Variants in SNPH observed in about 807,000 individuals in gnomAD.
The protein encoded by SNPH is syntaphilin.
Under a neutral mutation model 36.8 loss-of-function variants are expected in SNPH, and 10 were observed. That is an observed-to-expected ratio of 0.27 (90% CI 0.17 to 0.46). SNPH has a LOEUF of 0.46. Among genes scored for constraint, SNPH ranks in the 20% least tolerant of loss-of-function variants. The pLI is 1.00. For missense variants in SNPH, 622 were observed against 744.0 expected, an observed-to-expected ratio of 0.84 and a Z score of 1.91; for synonymous variants, 281 against 312.2, an observed-to-expected ratio of 0.90 and a Z score of 1.05.
At chr20:1,297,020 T>G in intron 4 of SNPH, 125 bp from the exon 5 acceptor site, 1 of 1,439,868 alleles carries the variant, frequency 6.9e-7, no homozygotes, top group East Asian at 2.6e-5. Context: ...CTCTCCCTGC[T>G]TCTCTCCCCT....
Position 1,266,596 on chromosome 20 carries a change from G to C in SNPH, c.-599-58G>C. The C allele has an allele frequency of 7.1e-7, 1 of 1,416,940 alleles. No homozygotes were observed. The highest frequency in any genetic ancestry group is 9.2e-7 in the Non-Finnish European group (1 of 1,092,166). 87.8% of individuals were successfully genotyped at this position (1,416,940 alleles called of 1,614,324 possible). A position where few individuals can be genotyped will look rare whatever the true frequency, so the allele number is the denominator to read the frequency against. On this transcript the variant is annotated intron_variant, in intron 1 of 6. Coordinates refer to ENST00000381867, the MANE Select transcript of SNPH (RefSeq NM_001318234.2). The surrounding 1 kb of genome is among the most constrained non-coding windows in gnomAD (Gnocchi z 6.0). ...TCAGCGGCCGGGGGCTCAGCTGCCT[G>C]GGTGTTCCCCGCCCGCGCTCACCCG...
At position 1,308,644 on chromosome 20, in the gene SNPH, A is replaced by C. The variant is rs1255514517; in HGVS notation, c.*2590A>C. The C allele has an allele frequency of 6.6e-6, 1 of 152,420 alleles. No individual in the cohort carries two copies. The highest frequency in any genetic ancestry group is 1.5e-5 in the Non-Finnish European group (1 of 68,224). The allele number at this position is 152,420 out of a possible 1,614,324, so 9.4% of individuals were successfully genotyped here. ...ATGGGGCGGGGCCTCCCCCTGAGAG[A>C]GCTCACCCTCCACAGTGACCCTTTT... On this transcript the variant is annotated 3_prime_UTR_variant, in exon 7 of 7. Transcript: ENST00000381867.
In SNPH at chr20:1,285,419, T is replaced by A. The variant is rs1451764126; in HGVS notation, c.-492-9532T>A. 6.6e-6 allele frequency among the ~76,000 whole-genome samples: 1 copy of A among 152,160 alleles called. No homozygotes were observed. Among genetic ancestry groups the A allele is most frequent in the African/African-American group, 2.4e-5 (1 of 41,422 alleles). ...ACGAGTATAGTATTTCAGATTAAGA[T>A]TTTGGACAGGGAGAAAGATGTAATA... On this transcript the variant is annotated intron_variant, in intron 2 of 6. Coordinates refer to ENST00000381867, the MANE Select transcript of SNPH (RefSeq NM_001318234.2). This position sits in a 1 kb window ranked among gnomAD's most constrained non-coding sequence, Gnocchi z 4.9.
chr20:1,278,372 C>G (rs1459707413), intron 2 of SNPH, among the ~76,000 whole-genome samples: 1 of 152,178 alleles, frequency 6.6e-6, no homozygotes, highest in African/African-American at 2.4e-5. Flanking sequence ...CCTCCTCCTT[C>G]TAGCTTTATT....
In SNPH at chr20:1,305,574, C is replaced by T. The variant is rs1233186074; in HGVS notation, c.1137C>T (p.Ala379=). The change falls in exon 7 of 7, where the codon GCC becomes GCT. Residue 379 remains alanine, a synonymous_variant. Transcript: ENST00000381867. ...CCATCCTGGAGAAAGTGACCCAGGCCCAGGTCTGTGGGACAGACCCTGAGT... is the reference window on the plus strand; with the variant it reads ...CCATCCTGGAGAAAGTGACCCAGGCTCAGGTCTGTGGGACAGACCCTGAGT... ...LDTILEKVTQ[A]QVCGTDPESG... 2 of 1,613,414 alleles carry T rather than the reference C, an allele frequency of 1.2e-6. No individual in the cohort carries two copies. The highest frequency in any genetic ancestry group is 1.7e-6 in the Non-Finnish European group (2 of 1,180,054).
intron 2 of SNPH, among the ~76,000 whole-genome samples, chr20:1,270,729 TC>T (rs1256369107): frequency 2.6e-5 from 4 of 152,194 alleles, no homozygotes; most frequent in African/African-American, 9.7e-5. Context: ...GTGCCTATAA[TC>T]ATCTGATAGG....
Position 1,306,184 on chromosome 20 carries a change from A to C in SNPH, c.*130A>C. On this transcript the variant is annotated 3_prime_UTR_variant, in exon 7 of 7. Coordinates refer to ENST00000381867, the MANE Select transcript of SNPH (RefSeq NM_001318234.2). The stretch of plus-strand genomic sequence containing the variant: ...GGTGTGGAACTGTTTCTTTTTTTCA[A>C]GATGTTAAAACAGTCCCGTGGAAGG... The C allele has an allele frequency of 1.2e-6, 1 of 832,506 alleles. No homozygotes were observed. The highest frequency in any genetic ancestry group is 1.7e-6 in the Non-Finnish European group (1 of 585,508). The allele number at this position is 832,506 out of a possible 1,614,324, so 51.6% of individuals were successfully genotyped here.
At position 1,266,876 on chromosome 20, in the gene SNPH, G is replaced by T; in HGVS notation, c.-493+116G>T. 8.0e-7 allele frequency: 1 copy of T among 1,245,168 alleles called. No homozygotes were observed. The highest frequency in any genetic ancestry group is 1.0e-6 in the Non-Finnish European group (1 of 988,866). The allele number at this position is 1,245,168 out of a possible 1,614,324, so 77.1% of individuals were successfully genotyped here. ...CTTGGAGGGCACCAGCCTAAGAGGG[G>T]TTAATCGTGACTCATTCTTACCCTC... On this transcript the variant is annotated intron_variant, in intron 2 of 6. Coordinates refer to ENST00000381867, the MANE Select transcript of SNPH (RefSeq NM_001318234.2). The surrounding 1 kb of genome is among the most constrained non-coding windows in gnomAD (Gnocchi z 6.0).
chr20:1,281,957 C>T (rs2088230081), intron 2 of SNPH, among the ~76,000 whole-genome samples: 1 of 152,170 alleles, frequency 6.6e-6, no homozygotes, highest in Non-Finnish European at 1.5e-5. Context: ...TGCCATGGGG[C>T]AGAGGGTGGA....
chr20:1,297,046 C>T (rs2273955), intron 4 of SNPH, 99 bp from the exon 5 acceptor site: 237,674 of 1,479,194 alleles, frequency 0.16, 22,669 homozygotes, highest in East Asian at 0.44. Context: ...GACCCCAAAG[C>T]GGGGGCACTT....
intron 2 of SNPH, among the ~76,000 whole-genome samples, chr20:1,277,351 C>G (rs1025467104): frequency 3.9e-5 from 6 of 152,050 alleles, no homozygotes; most frequent in African/African-American, 1.2e-4. Flanking sequence ...GTTTCATACT[C>G]TGTGTGTGTA....
rs992266617 is a variant in SNPH at position 1,305,823 on chromosome 20, G to C, written c.1386G>C (p.Lys462Asn). 8.3e-6 allele frequency: 13 copies of C among 1,571,044 alleles called. No individual in the cohort carries two copies. Among genetic ancestry groups the C allele is most frequent in the Non-Finnish European group, 1.1e-5 (13 of 1,157,970 alleles). Residue 462 changes from lysine to asparagine, a missense_variant, in exon 7 of 7, where the codon AAG becomes AAC. By Grantham distance (94) the Lys-to-Asn change is moderately conservative (BLOSUM62 0). Transcript: ENST00000381867. ...EEAAVAEKEP[K>N]SYWSRHYIVD... is the part of the protein sequence containing the mutation. ...CTGCCGTGGCTGAGAAGGAGCCCAAGAGCTACTGGAGCCGCCACTACATCG... is the reference window on the plus strand; with the variant it reads ...CTGCCGTGGCTGAGAAGGAGCCCAACAGCTACTGGAGCCGCCACTACATCG...
At chr20:1,275,474 C>A (rs928781793) in intron 2 of SNPH, among the ~76,000 whole-genome samples, 19 of 152,188 alleles carry the variant, frequency 1.2e-4, no homozygotes, top group African/African-American at 4.6e-4. Context: ...CTTATAGCAT[C>A]TTCCTGACAG....
intron 2 of SNPH, among the ~76,000 whole-genome samples, chr20:1,277,181 C>G (rs2088142056): frequency 6.6e-6 from 1 of 152,120 alleles, no homozygotes; most frequent in Non-Finnish European, 1.5e-5. Context: ...TTTCCTGGGG[C>G]AAGGATTGTT....
chr20:1,295,591 C>T (rs528019322), intron 3 of SNPH, among the ~76,000 whole-genome samples, 185 bp from the exon 4 acceptor site: 8 of 152,346 alleles, frequency 5.3e-5, no homozygotes, highest in Admixed American at 3.3e-4. Flanking sequence ...GCCTGTGTGC[C>T]GCATGGGTGC....
chr20:1,302,654 C>T (rs2088517224), intron 6 of SNPH, among the ~76,000 whole-genome samples: 1 of 152,246 alleles, frequency 6.6e-6, no homozygotes, highest in Non-Finnish European at 1.5e-5. Flanking sequence ...CCACCATAGT[C>T]CCTGGCAACC....
chr20:1,280,664 C>T (rs566991997), intron 2 of SNPH, among the ~76,000 whole-genome samples: 71 of 152,232 alleles, frequency 4.7e-4, no homozygotes, highest in East Asian at 7.7e-4. Context: ...CCCCAAGTAC[C>T]GTGGTCTCCA....
At chr20:1,292,035 G>C (rs962716265) in intron 2 of SNPH, among the ~76,000 whole-genome samples, 4 of 152,216 alleles carry the variant, frequency 2.6e-5, no homozygotes, top group Non-Finnish European at 5.9e-5. Flanking sequence ...GAGCACCTTA[G>C]AGACCATCTA....
intron 2 of SNPH, among the ~76,000 whole-genome samples, chr20:1,284,218 T>TCTATTTA (rs2088258527): frequency 6.6e-6 from 1 of 152,302 alleles, no homozygotes; most frequent in South Asian, 2.1e-4. Flanking sequence ...GAACACTGTG[T>TCTATTTA]GTAGAAAGGA....
Sources: allele counts gnomAD v4.1 joint callset (sites outside exome capture counted in the v4.1 genomes callset), GRCh38; gene constraint gnomAD v4.1.1; non-coding constraint Gnocchi (gnomAD v3.1); transcripts MANE v1.5; gene names NCBI Gene and HGNC (gene_info 2026-07-23, HGNC 2026-07-21).